Variants in DOCK3 observed in about 807,000 individuals in gnomAD.
DOCK3 encodes the protein dedicator of cytokinesis protein 3.
In DOCK3, 60 loss-of-function variants were observed where a neutral mutation model predicts 265.6. That is an observed-to-expected ratio of 0.23 (90% CI 0.18 to 0.28). The LOEUF (loss-of-function observed/expected upper bound fraction) is 0.28, where lower values mean the gene tolerates loss of function less well. DOCK3 is among the 10% of genes least tolerant of loss of function. The probability of loss-of-function intolerance (pLI) is 1.00; values close to 1 mark genes in which losing one functional copy is unlikely to be tolerated. For missense variants in DOCK3, 1,981 were observed against 2,594.3 expected (o/e 0.76, Z 5.14); for synonymous variants, 881 against 938.0 (o/e 0.94, Z 1.11).
chr3:51,090,131 G>A, intron 8 of DOCK3, 99 bp from the exon 9 acceptor site: 5 of 1,241,942 alleles, frequency 4.0e-6, no homozygotes, highest in Non-Finnish European at 5.5e-6. Context: ...ATCTCCTTCA[G>A]TAGTGTGAAA....
intron 1 of DOCK3, among the ~76,000 whole-genome samples, chr3:50,682,976 C>T (rs1249573282): frequency 3.3e-5 from 5 of 152,188 alleles, no homozygotes; most frequent in South Asian, 2.1e-4. Flanking sequence ...TGAGCCACCG[C>T]GCCTGGTCTA....
In DOCK3 at chr3:51,072,211, A is replaced by G. The variant is rs113995583; in HGVS notation, c.465-3145A>G. On this transcript the variant is annotated intron_variant, in intron 6 of 52. Transcript: ENST00000266037. The stretch of plus-strand genomic sequence containing the variant: ...TCCTCAAAGTTCTGTGGGGTGGATA[A>G]ATATTTATATGGGAGGGCGGCTGAC... Among the ~76,000 whole-genome samples the G allele has an allele frequency of 2.8e-3, 419 of 152,164 alleles. 1 individual carries two copies. The highest frequency in any genetic ancestry group is 9.7e-3 in the African/African-American group (401 of 41,516).
In DOCK3 at chr3:51,042,780, G is replaced by A. The variant is rs989142760; in HGVS notation, c.316-21668G>A. Among the ~76,000 whole-genome samples the A allele has an allele frequency of 2.0e-5, 3 of 152,150 alleles. No individual in the cohort carries two copies. The East Asian group carries it at 5.8e-4, about 29-fold the overall frequency. ...CACAATCAATGTGCAATAATTGCTA[G>A]CATTCCTATAGATCAACAGTAGTAG... On this transcript the variant is annotated intron_variant, in intron 5 of 52. Coordinates refer to ENST00000266037, the MANE Select transcript of DOCK3 (RefSeq NM_004947.5).
At chr3:50,968,201 C>T (rs1274130651) in intron 5 of DOCK3, among the ~76,000 whole-genome samples, 1 of 152,208 alleles carries the variant, frequency 6.6e-6, no homozygotes, top group Non-Finnish European at 1.5e-5. Context: ...GACAAGGTCT[C>T]TGCCACCCAG....
chr3:51,207,810 G>A (rs2089298319), intron 12 of DOCK3, among the ~76,000 whole-genome samples: 1 of 152,090 alleles, frequency 6.6e-6, no homozygotes, highest in Non-Finnish European at 1.5e-5. Flanking sequence ...TTTTGCATGG[G>A]TCCTATTTTC....
chr3:50,823,553 C>T (rs576354704), intron 2 of DOCK3, among the ~76,000 whole-genome samples: 1 of 152,182 alleles, frequency 6.6e-6, no homozygotes, highest in Non-Finnish European at 1.5e-5. Flanking sequence ...TGAAAAGTCT[C>T]CCATGTCTAC....
chr3:51,336,038 T>C (rs1388593984), intron 35 of DOCK3, among the ~76,000 whole-genome samples: 1 of 150,218 alleles, frequency 6.7e-6, no homozygotes, highest in African/African-American at 2.4e-5. Context: ...TAGTTGTTGA[T>C]ATGACTCAAG....
chr3:51,043,142 C>G (rs977949254), intron 5 of DOCK3, among the ~76,000 whole-genome samples: 21 of 152,200 alleles, frequency 1.4e-4, no homozygotes, highest in Admixed American at 1.4e-3. Flanking sequence ...TAAGGCAATC[C>G]TAAGCAAAAA....
chr3:51,230,051 A>G (rs2090481735), intron 19 of DOCK3, among the ~76,000 whole-genome samples: 2 of 152,244 alleles, frequency 1.3e-5, no homozygotes, highest in African/African-American at 4.8e-5. Context: ...CTCAAATGAC[A>G]AGATCTCTCC....
At chr3:51,287,042 G>A (rs1184655795) in intron 27 of DOCK3, among the ~76,000 whole-genome samples, 1 of 152,088 alleles carries the variant, frequency 6.6e-6, no homozygotes, top group Non-Finnish European at 1.5e-5. Context: ...CCACAGAATG[G>A]GAGAAAATAT....
chr3:51,170,441 T>C (rs527755574), intron 12 of DOCK3, among the ~76,000 whole-genome samples: 16 of 152,154 alleles, frequency 1.1e-4, no homozygotes, highest in African/African-American at 3.9e-4. Context: ...ATTGATTTTT[T>C]TTTATTCTTT....
Position 51,269,161 on chromosome 3 carries a change from G to A in DOCK3, c.2356-1654G>A, listed in dbSNP as rs1056041880. 3.3e-4 allele frequency among the ~76,000 whole-genome samples: 47 copies of A among 143,656 alleles called. No homozygotes were observed. In the East Asian group the frequency reaches 4.2e-3, roughly 13 times the overall value. The allele number at this position is 143,656 out of a possible 152,430, so 94.2% of individuals were successfully genotyped here. On this transcript the variant is annotated intron_variant, in intron 23 of 52. Coordinates refer to ENST00000266037, the MANE Select transcript of DOCK3 (RefSeq NM_004947.5). ...TCTATATATATATATTTATTTATACGTATAATAATATACATATAATAATAT... is the reference window on the plus strand; with the variant it reads ...TCTATATATATATATTTATTTATACATATAATAATATACATATAATAATAT...
chr3:51,152,513 T>C (rs1038609102), intron 10 of DOCK3, among the ~76,000 whole-genome samples: 9 of 152,226 alleles, frequency 5.9e-5, no homozygotes, highest in African/African-American at 1.2e-4. Flanking sequence ...TCAAAGTCAT[T>C]CTCCGTCCTG....
At chr3:51,377,273 G>A (rs1333412441) in intron 51 of DOCK3, among the ~76,000 whole-genome samples, 1 of 152,272 alleles carries the variant, frequency 6.6e-6, no homozygotes, top group Non-Finnish European at 1.5e-5. Context: ...CCAGCATTTA[G>A]AAGGCAGCTA....
chr3:51,089,174 A>G (rs2082539905), intron 7 of DOCK3, 69 bp from the exon 8 acceptor site: 1 of 1,512,838 alleles, frequency 6.6e-7, no homozygotes, highest in South Asian at 1.2e-5. Context: ...TGCCCAGCAT[A>G]TAGAAAGTTC....
At chr3:51,276,416 G>A in intron 25 of DOCK3, 1 of 985,434 alleles carries the variant, frequency 1.0e-6, no homozygotes, top group Non-Finnish European at 1.2e-6. Context: ...AGCAAAAAAA[G>A]AGGAGGAATG....
chr3:50,771,895 C>CA (rs1174450218), intron 1 of DOCK3, among the ~76,000 whole-genome samples: 1 of 151,928 alleles, frequency 6.6e-6, no homozygotes, highest in African/African-American at 2.4e-5. Context: ...CAAAATAAAA[C>CA]AAAAAAATCT....
chr3:50,806,630 G>A (rs142090210), intron 2 of DOCK3, among the ~76,000 whole-genome samples: 23 of 152,040 alleles, frequency 1.5e-4, no homozygotes, highest in African/African-American at 2.9e-4. Flanking sequence ...TTTCCCTGCT[G>A]TGCAGGACTG....
rs183439507 is a variant in DOCK3 at position 50,904,122 on chromosome 3, A to G, written c.218+14041A>G. On this transcript the variant is annotated intron_variant, in intron 4 of 52. Transcript: ENST00000266037. ...CTTTCTTATGGCTGCATAGTATTCCATGGTGTATATGTGCCACATTTTCTT... is the reference window on the plus strand; with the variant it reads ...CTTTCTTATGGCTGCATAGTATTCCGTGGTGTATATGTGCCACATTTTCTT... Among the ~76,000 whole-genome samples the G allele has an allele frequency of 2.5e-3, 382 of 152,292 alleles. 6 individuals carry two copies. The highest frequency in any genetic ancestry group is 4.8e-3 in the East Asian group (25 of 5,192).
Sources: gnomAD v4.1 joint callset for allele counts (sites outside exome capture counted in the v4.1 genomes callset) on GRCh38, gnomAD v4.1.1 for gene constraint, MANE v1.5 for transcripts, NCBI Gene and HGNC (gene_info 2026-07-23, HGNC 2026-07-21) for gene names.